The following MGAT4A variants were observed in gnomAD, a reference collection of about 807,000 sequenced individuals.
The protein encoded by MGAT4A is N-acetylglucosaminyltransferase IVa.
In MGAT4A, 33 loss-of-function variants were observed where a neutral mutation model predicts 74.1. The observed-to-expected ratio is 0.45, with a 90% CI of 0.34 to 0.60. MGAT4A has a LOEUF of 0.60. Among genes scored for constraint, MGAT4A ranks in the 20% least tolerant of loss-of-function variants. The pLI is 0.02. For synonymous variants in MGAT4A, 198 were observed against 210.4 expected (o/e 0.94, Z 0.51); for missense variants, 479 against 628.3 (o/e 0.76, Z 2.54).
chr2:98,634,891 G>C (rs142195571), intron 14 of MGAT4A, among the ~76,000 whole-genome samples: 1 of 151,902 alleles, frequency 6.6e-6, no homozygotes, highest in Non-Finnish European at 1.5e-5. Context: ...GAAGGGGCCC[G>C]AAGCACAGAT....
At chr2:98,627,582 G>C (rs1701164711) in intron 14 of MGAT4A, among the ~76,000 whole-genome samples, 1 of 152,112 alleles carries the variant, frequency 6.6e-6, no homozygotes, top group Admixed American at 6.5e-5. Flanking sequence ...CACCATGCTG[G>C]CCAGGCTGGT....
chr2:98,651,682 T>G (rs555064744), intron 8 of MGAT4A, among the ~76,000 whole-genome samples: 1 of 151,938 alleles, frequency 6.6e-6, no homozygotes, highest in Admixed American at 6.5e-5. Context: ...TACAAAAAAA[T>G]AAAGTAAATG....
rs753919040 is a variant in MGAT4A, at chr2:98,679,405, C to CAAA, written c.95-937_95-935dup. On this transcript the variant is annotated intron_variant, in intron 2 of 15. Transcript: ENST00000393487. ...TGGGCGACAGAGCAAGACTCCGTCTCAAAAAAAAAAAAAAAAAAAAAAAAG... is the reference window on the plus strand; with the variant it reads ...TGGGCGACAGAGCAAGACTCCGTCTCAAAAAAAAAAAAAAAAAAAAAAAAAAAG... Among the ~76,000 whole-genome samples the CAAA allele has an allele frequency of 9.4e-3, 314 of 33,298 alleles. 10 individuals are homozygous for CAAA. Among genetic ancestry groups the CAAA allele is most frequent in the African/African-American group, 0.034 (295 of 8,708 alleles). The allele number at this position is 33,298 out of a possible 152,430, so 21.8% of individuals were successfully genotyped here.
intron 2 of MGAT4A, among the ~76,000 whole-genome samples, chr2:98,681,670 T>C (rs1438547406): frequency 6.6e-6 from 1 of 152,150 alleles, no homozygotes; most frequent in Non-Finnish European, 1.5e-5. Context: ...TAGAACTCTT[T>C]GGAGGCCGGG....
In MGAT4A at chr2:98,621,521, C is replaced by A. The variant is rs1382622176; in HGVS notation, c.*4045G>T. ...AAACTCTCTGCTTTTAAAGGAGTCA[C>A]AAGATTTGATTAGCCACCCCCAGAC... is the stretch of plus-strand genomic sequence containing the variant. On this transcript the variant is annotated 3_prime_UTR_variant, in exon 16 of 16. Coordinates refer to ENST00000393487, the MANE Select transcript of MGAT4A (RefSeq NM_012214.3). The A allele has an allele frequency of 6.4e-7, 1 of 1,551,524 alleles. No individual in the cohort carries two copies. Among genetic ancestry groups the A allele is most frequent in the African/African-American group, 1.4e-5 (1 of 73,040 alleles).
intron 2 of MGAT4A, among the ~76,000 whole-genome samples, chr2:98,691,427 A>C (rs1702193156): frequency 6.7e-6 from 1 of 149,738 alleles, no homozygotes; most frequent in African/African-American, 2.4e-5. Flanking sequence ...GCATCAGAGC[A>C]AGCTCTGTCT....
chr2:98,712,745 C>T (rs1702534873), intron 2 of MGAT4A, among the ~76,000 whole-genome samples: 1 of 152,216 alleles, frequency 6.6e-6, no homozygotes, highest in South Asian at 2.1e-4. Flanking sequence ...AAAACCCTGA[C>T]ATGTGAACAT....
intron 8 of MGAT4A, among the ~76,000 whole-genome samples, chr2:98,646,057 TA>T (rs1195748523): frequency 1.3e-5 from 2 of 152,188 alleles, no homozygotes; most frequent in Non-Finnish European, 2.9e-5. Flanking sequence ...ATTAGGATAT[TA>T]TTGAAAACCA....
intron 4 of MGAT4A, among the ~76,000 whole-genome samples, chr2:98,674,384 G>C (rs982764800): frequency 1.3e-5 from 2 of 152,146 alleles, no homozygotes; most frequent in Non-Finnish European, 2.9e-5. Context: ...AGTGGTAAAC[G>C]GCTCTTGGGC....
In MGAT4A at chr2:98,723,052, T is replaced by C. The variant is rs552483609; in HGVS notation, c.94+3187A>G. 2.0e-5 allele frequency among the ~76,000 whole-genome samples: 3 copies of C among 152,334 alleles called. No individual in the cohort carries two copies. The East Asian group carries it at 5.8e-4, about 29-fold the overall frequency. ...CTCATTTTTATGTGGGAATCCAGTA[T>C]ACCCCGCTGAAACTGTTACTCTGTC... On this transcript the variant is annotated intron_variant, in intron 2 of 15. Transcript: ENST00000393487.
At chr2:98,640,309 T>C in intron 10 of MGAT4A, 81 bp from the exon 11 acceptor site, 2 of 1,195,470 alleles carry the variant, frequency 1.7e-6, no homozygotes, top group Middle Eastern at 2.0e-4. Flanking sequence ...AAGTCCTTTA[T>C]TAAAATATTG....
chr2:98,712,250 C>T (rs1265739283), intron 2 of MGAT4A, among the ~76,000 whole-genome samples: 4 of 152,208 alleles, frequency 2.6e-5, no homozygotes, highest in African/African-American at 9.7e-5. Flanking sequence ...ACTCCAACAC[C>T]GCTTCTTGTG....
intron 12 of MGAT4A, 128 bp from the exon 13 acceptor site, chr2:98,636,723 G>C: frequency 1.4e-6 from 1 of 721,840 alleles, no homozygotes; most frequent in Admixed American, 2.1e-5. Context: ...GACAACGCTA[G>C]AGCTTCTAAT....
chr2:98,698,449 T>C lies in MGAT4A; in HGVS notation c.95-19978A>G, dbSNP rs1334112370. Among the ~76,000 whole-genome samples, 3 of 152,156 alleles carry C rather than the reference T, an allele frequency of 2.0e-5. No individual in the cohort carries two copies. The South Asian group carries it at 6.2e-4, about 32-fold the overall frequency. ...AAAATTAATTAAAAATAAATAAATA[T>C]GCTCTGAAATCTCCTCACATTTGCT... On this transcript the variant is annotated intron_variant, in intron 2 of 15. Coordinates refer to ENST00000393487, the MANE Select transcript of MGAT4A (RefSeq NM_012214.3).
chr2:98,629,303 T>G (rs1559153841), intron 14 of MGAT4A, among the ~76,000 whole-genome samples: 2 of 152,214 alleles, frequency 1.3e-5, no homozygotes, highest in Non-Finnish European at 2.9e-5. Flanking sequence ...TAATTTATAT[T>G]GTAAATGTTG....
At chr2:98,665,774 G>T (rs1215901147) in intron 4 of MGAT4A, among the ~76,000 whole-genome samples, 2 of 152,232 alleles carry the variant, frequency 1.3e-5, no homozygotes, top group Non-Finnish European at 2.9e-5. Context: ...GTGTGGTCAC[G>T]GAAGGCCTCT....
intron 2 of MGAT4A, among the ~76,000 whole-genome samples, chr2:98,704,318 A>C (rs966054289): frequency 1.3e-5 from 2 of 152,244 alleles, no homozygotes; most frequent in Non-Finnish European, 2.9e-5. Flanking sequence ...AGGCCAAGGC[A>C]GGTGGATTGC....
In MGAT4A at chr2:98,689,164, A is replaced by C. The variant is rs148387270; in HGVS notation, c.95-10693T>G. Among the ~76,000 whole-genome samples, 23 of 152,326 alleles carry C rather than the reference A, an allele frequency of 1.5e-4. No individual in the cohort carries two copies. In the East Asian group the frequency reaches 4.4e-3, roughly 29 times the overall value. ...GACTACTGGCATCATCTTTCAGGATAGCATAAAAGAAGTTCAAAAACACTA... is the reference window on the plus strand; with the variant it reads ...GACTACTGGCATCATCTTTCAGGATCGCATAAAAGAAGTTCAAAAACACTA... On this transcript the variant is annotated intron_variant, in intron 2 of 15. Coordinates refer to ENST00000393487, the MANE Select transcript of MGAT4A (RefSeq NM_012214.3).
chr2:98,663,355 T>C, intron 4 of MGAT4A, 176 bp from the exon 5 acceptor site: 1 of 1,530,158 alleles, frequency 6.5e-7, no homozygotes, highest in South Asian at 1.2e-5. Flanking sequence ...AATACTGTAA[T>C]TCATTTTCAC....
Sources: gnomAD v4.1 joint callset for allele counts (sites outside exome capture counted in the v4.1 genomes callset) on GRCh38, gnomAD v4.1.1 for gene constraint, MANE v1.5 for transcripts, NCBI Gene and HGNC (gene_info 2026-07-23, HGNC 2026-07-21) for gene names.